Variants in ANKRD16 observed in about 807,000 individuals in gnomAD.
The protein encoded by ANKRD16 is ankyrin repeat domain 16.
In ANKRD16, 35 loss-of-function variants were observed where a neutral mutation model predicts 37.9. The observed-to-expected ratio is 0.92, with a 90% CI of 0.71 to 1.23. The LOEUF is 1.23. Among genes scored for constraint, ANKRD16 ranks in the 50% most tolerant of loss-of-function variants. The pLI, the probability that ANKRD16 is intolerant of heterozygous loss-of-function variation, is 0.00. For synonymous variants in ANKRD16, 206 were observed against 197.2 expected (o/e 1.04, Z -0.37); for missense variants, 480 against 469.9 (o/e 1.02, Z -0.20).
chr10:5,887,628 C>T (rs949841671), intron 2 of ANKRD16, among the ~76,000 whole-genome samples: 1 of 152,220 alleles, frequency 6.6e-6, no homozygotes, highest in Non-Finnish European at 1.5e-5. Flanking sequence ...AGGTGATCCA[C>T]CCGCCTCCGG....
In ANKRD16 at chr10:5,871,162, G is replaced by A. The variant is rs1017932679; in HGVS notation, c.*33+6935C>T. Among the ~76,000 whole-genome samples, 7 of 152,218 alleles carry A rather than the reference G, an allele frequency of 4.6e-5. No individual in the cohort carries two copies. The highest frequency in any genetic ancestry group is 7.2e-5 in the African/African-American group (3 of 41,534). ...AGCACTTTGGGAGGCCAAGGTGGGC[G>A]GATCACCTGAGGTTGGGAGTTCGAG... On this transcript the variant is annotated intron_variant, in intron 7 of 7. Transcript: ENST00000380094. The surrounding 1 kb of genome is among the most constrained non-coding windows in gnomAD (Gnocchi z 4.5).
intron 2 of ANKRD16, among the ~76,000 whole-genome samples, chr10:5,887,166 T>C (rs941253339): frequency 6.6e-6 from 1 of 152,174 alleles, no homozygotes; most frequent in East Asian, 1.9e-4. Context: ...TCACTGACAT[T>C]ATTATTTGGT....
At position 5,865,540 on chromosome 10, in the gene ANKRD16, C is replaced by A. The variant is rs1259133217; in HGVS notation, c.*34-2849G>T. On this transcript the variant is annotated intron_variant, in intron 7 of 7. Transcript: ENST00000380094. This position sits in a 1 kb window ranked among gnomAD's most constrained non-coding sequence, Gnocchi z 4.7. ...TTGAGGTCTGTTACCATCTGAGGCT[C>A]AGTGTTAATCTCCTGTCCCAGACAG... 6.6e-6 allele frequency among the ~76,000 whole-genome samples: 1 copy of A among 152,160 alleles called. No homozygotes were observed. Among genetic ancestry groups the A allele is most frequent in the African/African-American group, 2.4e-5 (1 of 41,432 alleles).
rs189457487 is a variant in ANKRD16 at position 5,881,924 on chromosome 10, C to T, written c.849+1082G>A. Among the ~76,000 whole-genome samples the T allele has an allele frequency of 6.8e-3, 1,035 of 151,804 alleles. 12 individuals are homozygous for T. Among genetic ancestry groups the T allele is most frequent in the African/African-American group, 0.024 (992 of 41,398 alleles). On this transcript the variant is annotated intron_variant, in intron 5 of 7. Transcript: ENST00000380094. ...GGATGGTCTCGATCTCCTGACCTCA[C>T]GATCCACCTGCCTCAGCCTCCCAAA...
chr10:5,867,181 C>T (rs1403742436), intron 7 of ANKRD16, among the ~76,000 whole-genome samples: 2 of 152,196 alleles, frequency 1.3e-5, no homozygotes, highest in East Asian at 1.9e-4. Flanking sequence ...CACTGACAAC[C>T]CATAGCCTTC....
At position 5,868,651 on chromosome 10, in the gene ANKRD16, C is replaced by A. The variant is rs1564413706; in HGVS notation, c.*34-5960G>T. Reference sequence around the variant, plus strand: ...GCCACCCCCAGCCAGCAGCGGCAACCCACTCGGGTCCCCTTCCACGCTGTG... The same window carrying A: ...GCCACCCCCAGCCAGCAGCGGCAACACACTCGGGTCCCCTTCCACGCTGTG... On this transcript the variant is annotated intron_variant, in intron 7 of 7. Coordinates refer to ENST00000380094, the MANE Select transcript of ANKRD16 (RefSeq NM_019046.3). The surrounding 1 kb of genome is among the most constrained non-coding windows in gnomAD (Gnocchi z 4.9). Among the ~76,000 whole-genome samples, 2 of 152,176 alleles carry A rather than the reference C, an allele frequency of 1.3e-5. No homozygotes were observed. Among genetic ancestry groups the A allele is most frequent in the Non-Finnish European group, 2.9e-5 (2 of 68,042 alleles).
At chr10:5,867,520 T>C (rs147099224) in intron 7 of ANKRD16, among the ~76,000 whole-genome samples, 3,988 of 152,338 alleles carry the variant, frequency 0.026, 164 homozygotes, top group African/African-American at 0.09. Context: ...AACGAGGTTT[T>C]ATTAATAGCA....
In ANKRD16 at chr10:5,874,926, A is replaced by C. The variant is rs1842160921; in HGVS notation, c.*33+3171T>G. On this transcript the variant is annotated intron_variant, in intron 7 of 7. Coordinates refer to ENST00000380094, the MANE Select transcript of ANKRD16 (RefSeq NM_019046.3). The surrounding 1 kb of genome is among the most constrained non-coding windows in gnomAD (Gnocchi z 4.7). Reference sequence around the variant, plus strand: ...GCAGAGGCAGAGAAGGAAAAGGCAGAAAGAAAAACCCAGGAGTGCATTATT... The same window carrying C: ...GCAGAGGCAGAGAAGGAAAAGGCAGCAAGAAAAACCCAGGAGTGCATTATT... Among the ~76,000 whole-genome samples, 1 of 152,196 alleles carries C rather than the reference A, an allele frequency of 6.6e-6. No individual in the cohort carries two copies. Among genetic ancestry groups the C allele is most frequent in the Admixed American group, 6.5e-5 (1 of 15,278 alleles).
At position 5,880,362 on chromosome 10, in the gene ANKRD16, A is replaced by G; in HGVS notation, c.864T>C (p.Ser288=). The change falls in exon 6 of 8, where the codon AGT becomes AGC. Residue 288 remains serine, a synonymous_variant. Transcript: ENST00000380094. ...LHYAAKEGHT[S]TIQTLLSLGA... ...CCAAGGATAAGAGAGTCTGAATTGT[A>G]CTTGTATGTCCTTCCTGAATTGAAA... 4 of 1,601,816 alleles carry G rather than the reference A, an allele frequency of 2.5e-6. No homozygotes were observed. Among genetic ancestry groups the G allele is most frequent in the South Asian group, 1.1e-5 (1 of 88,160 alleles).
chr10:5,883,587 G>A (rs749725011), intron 4 of ANKRD16, among the ~76,000 whole-genome samples: 7 of 152,152 alleles, frequency 4.6e-5, no homozygotes, highest in Non-Finnish European at 1.0e-4. Flanking sequence ...GAGCCATCAC[G>A]CCCTGCTCTC....
At chr10:5,884,739 T>TAA (rs34030686) in intron 3 of ANKRD16, among the ~76,000 whole-genome samples, 81,927 of 119,778 alleles carry the variant, frequency 0.68, 29,114 homozygotes, top group East Asian at 0.82. Context: ...TCTCAAAAAC[T>TAA]AAAAAAAAAA....
Position 5,887,972 on chromosome 10 carries a change from C to T in ANKRD16, c.410G>A (p.Gly137Asp), listed in dbSNP as rs1842473150. ...ACTGGCAATGTGGAAACTGTTCCAG[C>T]CATCTTTGTTCTTCAGGAGTGGATT... is the stretch of plus-strand genomic sequence containing the variant. ...GANPLLKNKD[G>D]WNSFHIASRE... The change falls in exon 2 of 8, where the codon GGC becomes GAC. Residue 137 changes from glycine to aspartate, a missense_variant. Physicochemically the swap from Gly to Asp is moderately conservative, Grantham distance 94. Coordinates refer to ENST00000380094, the MANE Select transcript of ANKRD16 (RefSeq NM_019046.3). The T allele has an allele frequency of 2.5e-6, 4 of 1,614,102 alleles. No homozygotes were observed. The highest frequency in any genetic ancestry group is 1.3e-5 in the African/African-American group (1 of 74,936).
intron 2 of ANKRD16, among the ~76,000 whole-genome samples, chr10:5,887,490 TCAGA>T (rs1340110233): frequency 6.6e-6 from 1 of 151,596 alleles, no homozygotes; most frequent in Non-Finnish European, 1.5e-5. Flanking sequence ...TTCTCCTGCC[TCAGA>T]CTCTGGAGCT....
At chr10:5,885,129 T>A (rs1842397288) in intron 3 of ANKRD16, among the ~76,000 whole-genome samples, 2 of 152,174 alleles carry the variant, frequency 1.3e-5, no homozygotes, top group Admixed American at 6.5e-5. Context: ...AGAAACTACA[T>A]GTGTCTTCTT....
intron 5 of ANKRD16, among the ~76,000 whole-genome samples, chr10:5,881,444 ATATAT>A (rs1564417919): frequency 0.097 from 10,898 of 112,930 alleles, 1,049 homozygotes; most frequent in South Asian, 0.15. Context: ...TTATTTATAT[ATATAT>A]ATATATATAT....
At chr10:5,884,862 G>A (rs1003051281) in intron 3 of ANKRD16, among the ~76,000 whole-genome samples, 1 of 151,606 alleles carries the variant, frequency 6.6e-6, no homozygotes, top group African/African-American at 2.4e-5. Flanking sequence ...TACCACAGTT[G>A]TTCCTGGTTT....
At chr10:5,879,287 A>G (rs1306729767) in intron 6 of ANKRD16, among the ~76,000 whole-genome samples, 1 of 152,174 alleles carries the variant, frequency 6.6e-6, no homozygotes, top group Non-Finnish European at 1.5e-5. Context: ...CAGTCTGGCC[A>G]ACATGGTGAA....
rs7092985 is a variant in ANKRD16, at chr10:5,868,516, C to G, written c.*34-5825G>C. Among the ~76,000 whole-genome samples, 3,986 of 152,228 alleles carry G rather than the reference C, an allele frequency of 0.026. 164 individuals carry two copies. The highest frequency in any genetic ancestry group is 0.09 in the African/African-American group (3,740 of 41,504). ...CAATCAGCACTCTATAAAAATGCAC[C>G]AATCAGCGCTCTGTGTCTAGCTAAA... On this transcript the variant is annotated intron_variant, in intron 7 of 7. Transcript: ENST00000380094. This position sits in a 1 kb window ranked among gnomAD's most constrained non-coding sequence, Gnocchi z 4.9.
chr10:5,885,679 C>A (rs1842411110), intron 3 of ANKRD16, 44 bp downstream of exon 3: 1 of 1,609,528 alleles, frequency 6.2e-7, no homozygotes, highest in South Asian at 1.1e-5. Flanking sequence ...AACTCTTTGT[C>A]ATAGTTAGCA....
Sources: allele counts gnomAD v4.1 joint callset (sites outside exome capture counted in the v4.1 genomes callset), GRCh38; gene constraint gnomAD v4.1.1; non-coding constraint Gnocchi (gnomAD v3.1); transcripts MANE v1.5; gene names NCBI Gene and HGNC (gene_info 2026-07-23, HGNC 2026-07-21).